The following PRKCI variants were observed in gnomAD, a reference collection of about 807,000 sequenced individuals.
The protein encoded by PRKCI is protein kinase C iota type.
Under a neutral mutation model 84.0 loss-of-function variants are expected in PRKCI, and 43 were observed. The ratio of observed to expected loss-of-function variants is 0.51; its 90% confidence interval spans 0.40 to 0.66. The LOEUF (loss-of-function observed/expected upper bound fraction) is 0.66. PRKCI is among the 30% of genes least tolerant of loss of function. PRKCI has a pLI of 0.00. For missense variants in PRKCI, 459 were observed against 745.6 expected, an observed-to-expected ratio of 0.62 and a Z score of 4.48; for synonymous variants, 216 against 234.4, an observed-to-expected ratio of 0.92 and a Z score of 0.72.
intron 6 of PRKCI, among the ~76,000 whole-genome samples, 189 bp downstream of exon 6, chr3:170,270,750 T>C (rs1398687181): frequency 6.6e-6 from 1 of 152,164 alleles, no homozygotes; most frequent in East Asian, 1.9e-4. Context: ...ATATCTGTGG[T>C]AATACTTGTC....
intron 5 of PRKCI, 65 bp downstream of exon 5, chr3:170,268,065 G>A: frequency 7.6e-7 from 1 of 1,315,720 alleles, no homozygotes. Flanking sequence ...TACTATGAAA[G>A]AAAGGTAGTT....
At chr3:170,235,821 T>C (rs113868217) in intron 2 of PRKCI, among the ~76,000 whole-genome samples, 12,866 of 152,198 alleles carry the variant, frequency 0.085, 692 homozygotes, top group East Asian at 0.16. Context: ...CACCTCGGCC[T>C]CCCAAAGTGC....
At chr3:170,251,684 T>A (rs1049309027) in intron 2 of PRKCI, among the ~76,000 whole-genome samples, 1 of 150,868 alleles carries the variant, frequency 6.6e-6, no homozygotes, top group Non-Finnish European at 1.5e-5. Flanking sequence ...CCAAAACAGG[T>A]GGATCACTTG....
chr3:170,300,624 A>G (rs1734798153), intron 17 of PRKCI, among the ~76,000 whole-genome samples: 1 of 151,792 alleles, frequency 6.6e-6, no homozygotes, highest in South Asian at 2.1e-4. Flanking sequence ...TCAAAGAAAA[A>G]TAAATACACA....
At chr3:170,276,624 T>C (rs1734122742) in intron 8 of PRKCI, among the ~76,000 whole-genome samples, 1 of 152,026 alleles carries the variant, frequency 6.6e-6, no homozygotes, top group Non-Finnish European at 1.5e-5. Context: ...CATCACAATA[T>C]ACAAAAATTT....
chr3:170,222,759 C>T lies in PRKCI; in HGVS notation c.90C>T (p.Ala30=). The T allele has an allele frequency of 6.2e-7, 1 of 1,608,678 alleles. No homozygotes were observed. Among genetic ancestry groups the T allele is most frequent in the Non-Finnish European group, 8.5e-7 (1 of 1,178,022 alleles). The stretch of plus-strand genomic sequence containing the variant: ...ATTCCCACCAGGTCCGGGTGAAAGC[C>T]TACTACCGCGGGTGAGTGTCCTGGG... ...GDHSHQVRVK[A]YYRGDIMITH... The change falls in exon 1 of 18, where the codon GCC becomes GCT. Residue 30 remains alanine (A), a synonymous_variant. Coordinates refer to ENST00000295797, the MANE Select transcript of PRKCI (RefSeq NM_002740.6).
At chr3:170,282,296 A>G (rs1203874726) in intron 11 of PRKCI, among the ~76,000 whole-genome samples, 1 of 152,170 alleles carries the variant, frequency 6.6e-6, no homozygotes, top group Non-Finnish European at 1.5e-5. Flanking sequence ...TCAGCCATTT[A>G]AATAATTGAG....
At chr3:170,273,109 T>G (rs1734037889) in intron 6 of PRKCI, among the ~76,000 whole-genome samples, 177 bp from the exon 7 acceptor site, 1 of 152,244 alleles carries the variant, frequency 6.6e-6, no homozygotes, top group Admixed American at 6.5e-5. Context: ...TGACTAACAT[T>G]ACCTCATTCA....
intron 1 of PRKCI, among the ~76,000 whole-genome samples, chr3:170,232,141 C>G (rs149289613): frequency 1.3e-5 from 2 of 152,184 alleles, no homozygotes; most frequent in East Asian, 3.9e-4. Context: ...GCCTTAACTG[C>G]CCAGGCTCAC....
intron 13 of PRKCI, among the ~76,000 whole-genome samples, chr3:170,292,195 A>C (rs1283187070): frequency 1.3e-5 from 2 of 152,180 alleles, no homozygotes; most frequent in Non-Finnish European, 2.9e-5. Context: ...GCACTATTCT[A>C]AGCAGTTTAC....
At chr3:170,297,283 G>A in intron 15 of PRKCI, 21 bp from the exon 16 acceptor site, 1 of 1,583,924 alleles carries the variant, frequency 6.3e-7, no homozygotes, top group Admixed American at 1.7e-5. Context: ...CCCAATTCTT[G>A]AAACATTTCT....
intron 12 of PRKCI, among the ~76,000 whole-genome samples, chr3:170,290,139 G>A (rs1734509101): frequency 6.6e-6 from 1 of 151,738 alleles, no homozygotes; most frequent in African/African-American, 2.4e-5. Flanking sequence ...ATTTTGTACC[G>A]TATAATCTAT....
At position 170,249,819 on chromosome 3, in the gene PRKCI, C is replaced by A. The variant is rs543384036; in HGVS notation, c.224-10150C>A. On this transcript the variant is annotated intron_variant, in intron 2 of 17. Coordinates refer to ENST00000295797, the MANE Select transcript of PRKCI (RefSeq NM_002740.6). ...CTCAGAAAAAAAAAAAAAAATGATA[C>A]CAACTTTCATATTTGTGGCAAAATG... is the stretch of plus-strand genomic sequence containing the variant. 1.1e-3 allele frequency among the ~76,000 whole-genome samples: 174 copies of A among 151,342 alleles called. 1 individual carries two copies. The highest frequency in any genetic ancestry group is 3.7e-3 in the African/African-American group (154 of 41,274).
intron 16 of PRKCI, 66 bp from the exon 17 acceptor site, chr3:170,298,929 A>C: frequency 1.0e-6 from 1 of 990,166 alleles, no homozygotes; most frequent in Non-Finnish European, 1.6e-6. Context: ...AGTGCAGAGG[A>C]GAACTGTAGA....
At chr3:170,246,013 G>A (rs925751694) in intron 2 of PRKCI, among the ~76,000 whole-genome samples, 2 of 139,930 alleles carry the variant, frequency 1.4e-5, no homozygotes, top group Non-Finnish European at 3.0e-5. Context: ...GGAATGCAGT[G>A]GTGTGATCAT....
rs190985652 is a variant in PRKCI at position 170,226,970 on chromosome 3, G to T, written c.101+4200G>T. Among the ~76,000 whole-genome samples the T allele has an allele frequency of 7.9e-5, 12 of 152,304 alleles. No individual in the cohort carries two copies. The East Asian group carries it at 2.3e-3, about 29-fold the overall frequency. ...AATGAGAAAATATGGAGATAAAATT[G>T]GTCAGCACTGGGAACTGAAGCTGGA... On this transcript the variant is annotated intron_variant, in intron 1 of 17. Transcript: ENST00000295797.
chr3:170,245,353 G>A (rs977011423), intron 2 of PRKCI, among the ~76,000 whole-genome samples: 3 of 152,186 alleles, frequency 2.0e-5, no homozygotes, highest in Admixed American at 2.0e-4. Context: ...TCCAGGTGGT[G>A]TCAGAATTTA....
Position 170,292,601 on chromosome 3 carries a change from T to TCTTG in PRKCI, c.1291+660_1291+661insCTTG, listed in dbSNP as rs1380968048. ...TTATCAGCTAGCAAAAGATCAAGTT[T>TCTTG]AAGACCAAGGAGGCAGGAGAATGGC... On this transcript the variant is annotated intron_variant, in intron 13 of 17. Coordinates refer to ENST00000295797, the MANE Select transcript of PRKCI (RefSeq NM_002740.6). Among the ~76,000 whole-genome samples, 4 of 151,818 alleles carry TCTTG rather than the reference T, an allele frequency of 2.6e-5. No individual in the cohort carries two copies. In the East Asian group the frequency reaches 7.8e-4, roughly 29 times the overall value.
rs1298521072 is a variant in PRKCI at position 170,222,614 on chromosome 3, C to G, written c.-56C>G. ...GCAGGCGGCGGAGTCCCCCACGGCG[C>G]CCGAAGCGCCCCCCCGCACCCCCGG... On this transcript the variant is annotated 5_prime_UTR_variant, in exon 1 of 18. Transcript: ENST00000295797. The G allele has an allele frequency of 1.4e-6, 2 of 1,457,334 alleles. No homozygotes were observed. The highest frequency in any genetic ancestry group is 1.5e-5 in the African/African-American group (1 of 68,364). The allele number at this position is 1,457,334 out of a possible 1,614,324, so 90.3% of individuals were successfully genotyped here. A position where few individuals can be genotyped will look rare whatever the true frequency, so the allele number is the denominator to read the frequency against.
Sources: allele counts gnomAD v4.1 joint callset (sites outside exome capture counted in the v4.1 genomes callset), GRCh38; gene constraint gnomAD v4.1.1; transcripts MANE v1.5; gene names NCBI Gene and HGNC (gene_info 2026-07-23, HGNC 2026-07-21).